Variants in C8A observed in about 807,000 individuals in gnomAD.
C8A encodes complement component C8 alpha chain.
In C8A, 67 loss-of-function variants were observed where a neutral mutation model predicts 65.3. The ratio of observed to expected loss-of-function variants is 1.03; its 90% CI spans 0.84 to 1.26. C8A has a LOEUF of 1.26. Ranked by LOEUF, C8A falls within the 50% of genes most tolerant of loss-of-function variation. The pLI, the probability that C8A is intolerant of heterozygous loss-of-function variation, is 0.00. For missense variants in C8A, 781 were observed against 723.9 expected (o/e 1.08, Z -0.90); for synonymous variants, 290 against 259.4 (o/e 1.12, Z -1.13).
intron 3 of C8A, 90 bp downstream of exon 3, chr1:56,875,183 C>T (rs1327220646): frequency 1.4e-5 from 20 of 1,444,176 alleles, no homozygotes; most frequent in Middle Eastern, 2.2e-4. Context: ...ATGCATACTC[C>T]TGAGCCCTTC....
Position 56,885,907 on chromosome 1 carries a change from T to C in C8A, c.856-20T>C. ...TGCTCTCTTTGTTCTTTTGCTTTATTCAATGGCGGTTGCTGGCAGAAATTC... is the reference window on the plus strand; with the variant it reads ...TGCTCTCTTTGTTCTTTTGCTTTATCCAATGGCGGTTGCTGGCAGAAATTC... On this transcript the variant is annotated intron_variant, in intron 6 of 10. Transcript: ENST00000361249. 1 of 1,613,776 alleles carries C rather than the reference T, an allele frequency of 6.2e-7. No individual in the cohort carries two copies. The highest frequency in any genetic ancestry group is 8.5e-7 in the Non-Finnish European group (1 of 1,179,852).
At chr1:56,913,567 T>C (rs1454911038) in intron 10 of C8A, among the ~76,000 whole-genome samples, 3 of 152,240 alleles carry the variant, frequency 2.0e-5, no homozygotes, top group Non-Finnish European at 4.4e-5. Context: ...CACATCTTTC[T>C]GGGGCTTAGC....
At chr1:56,917,140 G>A (rs1557718705) in intron 10 of C8A, among the ~76,000 whole-genome samples, 2 of 152,224 alleles carry the variant, frequency 1.3e-5, no homozygotes, top group Admixed American at 6.5e-5. Flanking sequence ...TGGGCTCCCA[G>A]TGGCCTCTTC....
At chr1:56,864,760 C>A (rs370474432) in intron 1 of C8A, among the ~76,000 whole-genome samples, 1 of 152,104 alleles carries the variant, frequency 6.6e-6, no homozygotes, top group Admixed American at 6.6e-5. Flanking sequence ...AGGGCTTGTG[C>A]CTGCTAGCAC....
chr1:56,908,125 C>G lies in C8A; in HGVS notation c.1380+12C>G, dbSNP rs776641680. 2 of 1,613,620 alleles carry G rather than the reference C, an allele frequency of 1.2e-6. No homozygotes were observed. Among genetic ancestry groups the G allele is most frequent in the South Asian group, 2.2e-5 (2 of 91,040 alleles). On this transcript the variant is annotated intron_variant, in intron 9 of 10. Transcript: ENST00000361249. ...TTATCGATTTTGAGGTAAGTCTTTT[C>G]GCAGTTGAAGAAACTCTACGTCCAT...
intron 7 of C8A, among the ~76,000 whole-genome samples, chr1:56,890,535 A>G (rs546071063): frequency 6.6e-6 from 1 of 152,242 alleles, no homozygotes; most frequent in South Asian, 2.1e-4. Context: ...AAGCATATGC[A>G]TCACCTGTTC....
chr1:56,880,275 C>T (rs530586787), intron 4 of C8A, among the ~76,000 whole-genome samples: 4 of 152,038 alleles, frequency 2.6e-5, no homozygotes, highest in South Asian at 2.1e-4. Context: ...ACATGGAACC[C>T]GGGTTGATGA....
chr1:56,879,312 G>A (rs995452481), intron 4 of C8A, among the ~76,000 whole-genome samples: 1 of 152,134 alleles, frequency 6.6e-6, no homozygotes, highest in Non-Finnish European at 1.5e-5. Context: ...TGTACACATA[G>A]TTTTGTACAC....
At chr1:56,855,119 G>A (rs1643960618) in intron 1 of C8A, 141 bp downstream of exon 1, 4 of 749,958 alleles carry the variant, frequency 5.3e-6, no homozygotes, top group Non-Finnish European at 9.5e-6. Context: ...CTGTGGAGGA[G>A]GATGGGACAG....
At chr1:56,885,322 T>TTTATATA (rs1557705468) in intron 6 of C8A, among the ~76,000 whole-genome samples, 21 of 116,422 alleles carry the variant, frequency 1.8e-4, no homozygotes, top group African/African-American at 5.5e-4. Context: ...ATAAATATAT[T>TTTATATA]TATTTAAATA....
At chr1:56,909,948 T>C (rs904340717) in intron 9 of C8A, among the ~76,000 whole-genome samples, 13 of 152,312 alleles carry the variant, frequency 8.5e-5, no homozygotes, top group African/African-American at 3.1e-4. Flanking sequence ...ACAACTCATG[T>C]TGCCCCCTGA....
At chr1:56,891,575 G>T (rs1213231702) in intron 7 of C8A, among the ~76,000 whole-genome samples, 2 of 152,156 alleles carry the variant, frequency 1.3e-5, no homozygotes, top group Admixed American at 6.5e-5. Flanking sequence ...GAGGAATAAA[G>T]AATGGACATG....
At chr1:56,861,408 A>T (rs1044858448) in intron 1 of C8A, among the ~76,000 whole-genome samples, 4 of 152,194 alleles carry the variant, frequency 2.6e-5, no homozygotes, top group African/African-American at 7.2e-5. Context: ...CTTGCTTTAC[A>T]ACAACTCATT....
intron 1 of C8A, among the ~76,000 whole-genome samples, chr1:56,855,482 G>C (rs535013723): frequency 7.0e-4 from 107 of 152,150 alleles, no homozygotes; most frequent in Non-Finnish European, 1.1e-3. Flanking sequence ...AATCACTGTG[G>C]GGAAGGCAAA....
chr1:56,867,933 A>C (rs1644107139), intron 2 of C8A, among the ~76,000 whole-genome samples: 1 of 152,120 alleles, frequency 6.6e-6, no homozygotes, highest in Non-Finnish European at 1.5e-5. Context: ...TATGGCTCAT[A>C]GGCAGAAAAG....
chr1:56,867,874 T>C (rs925203002), intron 2 of C8A, among the ~76,000 whole-genome samples, 172 bp downstream of exon 2: 2 of 152,190 alleles, frequency 1.3e-5, no homozygotes, highest in African/African-American at 4.8e-5. Flanking sequence ...CCGTGTCTCC[T>C]AATTTTGTTT....
chr1:56,912,627 T>A lies in C8A; in HGVS notation c.1603+2T>A. 1.2e-6 allele frequency: 2 copies of A among 1,613,620 alleles called. No individual in the cohort carries two copies. Among genetic ancestry groups the A allele is most frequent in the South Asian group, 1.1e-5 (1 of 91,050 alleles). ...CCTGTGAGCAAACACAGACAGAAGG[T>A]AAGGTCCGTGCATCCCCACCCAGTT... On this transcript the variant is annotated splice_donor_variant, in intron 10 of 10. Coordinates refer to ENST00000361249, the MANE Select transcript of C8A (RefSeq NM_000562.3). LOFTEE classifies it high-confidence loss of function.
intron 1 of C8A, 22 bp from the exon 2 acceptor site, chr1:56,867,587 C>A (rs1374378428): frequency 3.2e-6 from 5 of 1,573,098 alleles, no homozygotes; most frequent in Non-Finnish European, 4.4e-6. Context: ...AAAATTGATG[C>A]ATGGATCTTC....
At chr1:56,875,425 C>G (rs575906969) in intron 3 of C8A, among the ~76,000 whole-genome samples, 1 of 152,134 alleles carries the variant, frequency 6.6e-6, no homozygotes, top group African/African-American at 2.4e-5. Flanking sequence ...AAATAATGCA[C>G]CTTACCTTGA....
Sources: allele counts gnomAD v4.1 joint callset (sites outside exome capture counted in the v4.1 genomes callset), GRCh38; gene constraint gnomAD v4.1.1; transcripts MANE v1.5; gene names NCBI Gene and HGNC (gene_info 2026-07-23, HGNC 2026-07-21).